PLAGL1: variants seen among roughly 807,000 people sequenced by gnomAD.
PLAGL1 encodes the protein zinc finger protein PLAGL1.
A neutral mutation model predicts 4.6 loss-of-function variants in PLAGL1; 1 was observed. That is an observed-to-expected ratio of 0.22 (90% CI 0.08 to 1.03). The LOEUF (loss-of-function observed/expected upper bound fraction) is 1.03, where lower values mean the gene tolerates loss of function less well. PLAGL1 is among the 50% of genes least tolerant of loss of function. The probability of loss-of-function intolerance (pLI) is 0.58; values close to 1 mark genes in which losing one functional copy is unlikely to be tolerated. For synonymous variants in PLAGL1, 240 were observed against 237.8 expected (o/e 1.01, Z -0.08); for missense variants, 464 against 570.4 (o/e 0.81, Z 1.90).
chr6:144,000,949 T>C lies in PLAGL1; in HGVS notation c.-584+7141A>G, dbSNP rs914686209. On this transcript the variant is annotated intron_variant, in intron 1 of 7. Transcript: ENST00000674357. The surrounding 1 kb of genome is among the most constrained non-coding windows in gnomAD (Gnocchi z 4.1). The stretch of plus-strand genomic sequence containing the variant: ...AAAAAGCATTTGACAAAATTAAAAA[T>C]AGAGTATACGTACATATAACTCCTA... 2.0e-5 allele frequency among the ~76,000 whole-genome samples: 3 copies of C among 152,112 alleles called. No individual in the cohort carries two copies. Among genetic ancestry groups the C allele is most frequent in the Non-Finnish European group, 2.9e-5 (2 of 67,964 alleles).
chr6:143,967,880 G>C (rs1784700752), intron 3 of PLAGL1: 1 of 150,988 alleles, frequency 6.6e-6, no homozygotes, highest in African/African-American at 2.4e-5. Flanking sequence ...GCGGGAAGTG[G>C]TTTATCTAGT....
Position 143,960,403 on chromosome 6 carries a change from A to G in PLAGL1, c.-325+66T>C, listed in dbSNP as rs892553580. The stretch of plus-strand genomic sequence containing the variant: ...CTGAACCTCCAGCATGTTCTTGCCT[A>G]TGATGTGTTTCCAAGCAATCGTTAA... On this transcript the variant is annotated intron_variant, in intron 6 of 7. Coordinates refer to ENST00000674357, the MANE Select transcript of PLAGL1 (RefSeq NM_001317162.2). The surrounding 1 kb of genome is among the most constrained non-coding windows in gnomAD (Gnocchi z 5.7). 6.6e-6 allele frequency: 1 copy of G among 152,230 alleles called. No homozygotes were observed. The highest frequency in any genetic ancestry group is 1.5e-5 in the Non-Finnish European group (1 of 68,030). 9.4% of individuals were successfully genotyped at this position (152,230 alleles called of 1,614,324 possible). A position where few individuals can be genotyped will look rare whatever the true frequency, so the allele number is the denominator to read the frequency against.
rs1254250675 is a variant in PLAGL1 at position 144,056,795 on chromosome 6, G to A, written c.-151+7673C>T. ...TCCTCCCACATTAGCCTCTCAGGTA[G>A]GTGGGATTACAGGTGTGTGCCACCA... On this transcript the variant is annotated intron_variant, in intron 1 of 3. Coordinates refer to the PLAGL1 transcript ENST00000437412. This position sits in a 1 kb window ranked among gnomAD's most constrained non-coding sequence, Gnocchi z 4.7. Among the ~76,000 whole-genome samples the A allele has an allele frequency of 1.3e-5, 2 of 152,100 alleles. No homozygotes were observed. Among genetic ancestry groups the A allele is most frequent in the African/African-American group, 4.8e-5 (2 of 41,412 alleles).
In PLAGL1 at chr6:144,063,613, G is replaced by C. The variant is rs1042443775; in HGVS notation, c.-151+855C>G. ...TGGCCACACAGATGCTCAATGCCAC[G>C]ACCCTTGAATAACTGCCATAGTTGT... On this transcript the variant is annotated intron_variant, in intron 1 of 3. Transcript: ENST00000437412. The surrounding 1 kb of genome is among the most constrained non-coding windows in gnomAD (Gnocchi z 5.7). 2.6e-5 allele frequency among the ~76,000 whole-genome samples: 4 copies of C among 152,186 alleles called. No homozygotes were observed. Among genetic ancestry groups the C allele is most frequent in the Non-Finnish European group, 5.9e-5 (4 of 68,024 alleles).
At position 143,957,301 on chromosome 6, in the gene PLAGL1, G is replaced by C. The variant is rs541243711; in HGVS notation, c.-325+3168C>G. ...AATGAAGACTCTCAGGAGTCTGGTGGGGGGGTGAGGGGTGGAGAGCAACTC... is the reference window on the plus strand; with the variant it reads ...AATGAAGACTCTCAGGAGTCTGGTGCGGGGGTGAGGGGTGGAGAGCAACTC... On this transcript the variant is annotated intron_variant, in intron 6 of 7. Coordinates refer to ENST00000674357, the MANE Select transcript of PLAGL1 (RefSeq NM_001317162.2). The surrounding 1 kb of genome is among the most constrained non-coding windows in gnomAD (Gnocchi z 4.2). Among the ~76,000 whole-genome samples, 7 of 33,854 alleles carry C rather than the reference G, an allele frequency of 2.1e-4. No individual in the cohort carries two copies. The highest frequency in any genetic ancestry group is 7.4e-4 in the South Asian group (1 of 1,360). The allele number at this position is 33,854 out of a possible 152,430, so 22.2% of individuals were successfully genotyped here.
Position 144,004,558 on chromosome 6 carries a change from A to G in PLAGL1, c.-584+3532T>C, listed in dbSNP as rs1326160098. 6.6e-6 allele frequency among the ~76,000 whole-genome samples: 1 copy of G among 152,256 alleles called. No homozygotes were observed. The highest frequency in any genetic ancestry group is 1.5e-5 in the Non-Finnish European group (1 of 68,040). On this transcript the variant is annotated intron_variant, in intron 1 of 7. Coordinates refer to ENST00000674357, the MANE Select transcript of PLAGL1 (RefSeq NM_001317162.2). The surrounding 1 kb of genome is among the most constrained non-coding windows in gnomAD (Gnocchi z 4.2). ...TTGAAAATAATACATGGTCATAGAA[A>G]TCGGGACAGTAGTTGACTGGGGGAA... is the stretch of plus-strand genomic sequence containing the variant.
chr6:144,016,690 G>A lies in PLAGL1; in HGVS notation c.-150-47712C>T, dbSNP rs1353003948. On this transcript the variant is annotated intron_variant, in intron 1 of 3. Coordinates refer to the PLAGL1 transcript ENST00000437412. This position sits in a 1 kb window ranked among gnomAD's most constrained non-coding sequence, Gnocchi z 4.2. ...TGGTTAGTAAGAAGATTGCATTGGG[G>A]CTATGTATTTGTCATACTGCACTGA... Among the ~76,000 whole-genome samples the A allele has an allele frequency of 6.6e-6, 1 of 152,138 alleles. No individual in the cohort carries two copies. Among genetic ancestry groups the A allele is most frequent in the Non-Finnish European group, 1.5e-5 (1 of 68,022 alleles).
rs1481868511 is a variant in PLAGL1, at chr6:143,948,913, T to A, written c.-324-453A>T. Among the ~76,000 whole-genome samples, 1 of 152,226 alleles carries A rather than the reference T, an allele frequency of 6.6e-6. No individual in the cohort carries two copies. Among genetic ancestry groups the A allele is most frequent in the Non-Finnish European group, 1.5e-5 (1 of 68,038 alleles). ...CACTCATTGTTGGCATAACATTAGTTGCTTATCACACCTGTTTAAACTTCC... is the reference window on the plus strand; with the variant it reads ...CACTCATTGTTGGCATAACATTAGTAGCTTATCACACCTGTTTAAACTTCC... On this transcript the variant is annotated intron_variant, in intron 6 of 7. Transcript: ENST00000674357. This position sits in a 1 kb window ranked among gnomAD's most constrained non-coding sequence, Gnocchi z 6.0.
At chr6:143,969,628 A>C (rs1785044664) in intron 2 of PLAGL1, among the ~76,000 whole-genome samples, 1 of 151,964 alleles carries the variant, frequency 6.6e-6, no homozygotes, top group Non-Finnish European at 1.5e-5. Flanking sequence ...CTACCAAAAA[A>C]AAAAAAATTT....
intron 2 of PLAGL1, among the ~76,000 whole-genome samples, chr6:143,981,787 A>G (rs959030909): frequency 6.6e-6 from 1 of 152,140 alleles, no homozygotes; most frequent in Non-Finnish European, 1.5e-5. Context: ...CTTTATATTT[A>G]CAATAAATTG....
In PLAGL1 at chr6:143,941,503, G is replaced by T; in HGVS notation, c.1313C>A (p.Pro438His). The change falls in exon 8 of 8, where the codon CCC (proline) becomes CAC (histidine). Residue 438 changes from proline to histidine, a missense_variant. Coordinates refer to ENST00000674357, the MANE Select transcript of PLAGL1 (RefSeq NM_001317162.2). This position sits in a 1 kb window ranked among gnomAD's most constrained non-coding sequence, Gnocchi z 6.0. ...AMGTVSLGQL[P>H]LPPIPHVFSA... ...GAACACATGAGGGATGGGGGGCAGG[G>T]GGAGCTGGCCCAGGCTCACAGTGCC... The T allele has an allele frequency of 2.6e-6, 4 of 1,530,156 alleles. No individual in the cohort carries two copies. Among genetic ancestry groups the T allele is most frequent in the Non-Finnish European group, 3.5e-6 (4 of 1,139,832 alleles). 94.8% of individuals were successfully genotyped at this position (1,530,156 alleles called of 1,614,324 possible).
chr6:144,049,481 G>T (rs769283394), intron 1 of PLAGL1, among the ~76,000 whole-genome samples: 26 of 152,226 alleles, frequency 1.7e-4, no homozygotes, highest in Admixed American at 7.2e-4. Context: ...GTTCTGCACG[G>T]CTAGGGAGGC....
At position 143,948,189 on chromosome 6, in the gene PLAGL1, C is replaced by G; in HGVS notation, c.-53G>C. 6.5e-7 allele frequency: 1 copy of G among 1,541,638 alleles called. No homozygotes were observed. Among genetic ancestry groups the G allele is most frequent in the South Asian group, 1.1e-5 (1 of 88,170 alleles). On this transcript the variant is annotated 5_prime_UTR_variant, in exon 7 of 8. It removes an upstream start codon present in the reference 5' UTR. Transcript: ENST00000674357. This position sits in a 1 kb window ranked among gnomAD's most constrained non-coding sequence, Gnocchi z 6.0. ...CAGATGTGCTGACCAAATGCTGTGC[C>G]ATTTAAGCACAAACAGAACGATGGT...
chr6:144,017,610 T>C (rs1444824612), intron 1 of PLAGL1, among the ~76,000 whole-genome samples: 2 of 152,250 alleles, frequency 1.3e-5, no homozygotes, highest in Non-Finnish European at 2.9e-5. Flanking sequence ...TAAATGCCTC[T>C]GCTAGTTGCC....
chr6:144,064,280 G>A lies in PLAGL1; in HGVS notation c.-151+188C>T, dbSNP rs1799662864. On this transcript the variant is annotated intron_variant, in intron 1 of 3. Coordinates refer to the PLAGL1 transcript ENST00000437412. The surrounding 1 kb of genome is among the most constrained non-coding windows in gnomAD (Gnocchi z 6.8). ...AAGCACCGACCGCCATCCCCGGCAG[G>A]ACGCAGGCAGGAGCCTCGGCCAGGC... Among the ~76,000 whole-genome samples the A allele has an allele frequency of 6.6e-6, 1 of 152,182 alleles. No individual in the cohort carries two copies. The highest frequency in any genetic ancestry group is 6.5e-5 in the Admixed American group (1 of 15,284).
At chr6:144,019,571 G>A (rs1795821687) in intron 1 of PLAGL1, among the ~76,000 whole-genome samples, 1 of 152,136 alleles carries the variant, frequency 6.6e-6, no homozygotes, top group African/African-American at 2.4e-5. Flanking sequence ...TTTCCTGAGT[G>A]TAATAATAGT....
At chr6:144,035,101 T>C (rs183399244) in intron 1 of PLAGL1, among the ~76,000 whole-genome samples, 166 of 151,814 alleles carry the variant, frequency 1.1e-3, no homozygotes, top group Non-Finnish European at 2.0e-3. Flanking sequence ...TTTCAGGGGG[T>C]TGGGGGTATA....
intron 1 of PLAGL1, among the ~76,000 whole-genome samples, chr6:144,043,598 C>A (rs565460273): frequency 6.6e-6 from 1 of 151,914 alleles, no homozygotes; most frequent in Non-Finnish European, 1.5e-5. Context: ...TGAGGATTTT[C>A]GCATCGATGT....
At position 143,940,938 on chromosome 6, in the gene PLAGL1, C is replaced by G. The variant is rs1332078314; in HGVS notation, c.*486G>C. 1 of 152,728 alleles carries G rather than the reference C, an allele frequency of 6.5e-6. No homozygotes were observed. The highest frequency in any genetic ancestry group is 1.5e-5 in the Non-Finnish European group (1 of 68,112). The allele number at this position is 152,728 out of a possible 1,614,324, so 9.5% of individuals were successfully genotyped here. On this transcript the variant is annotated 3_prime_UTR_variant, in exon 8 of 8. Transcript: ENST00000674357. ...TATGGTAATAGTAACTAAACTACATCCAACCCTGAAGGTAGAAAAATCCCT... is the reference window on the plus strand; with the variant it reads ...TATGGTAATAGTAACTAAACTACATGCAACCCTGAAGGTAGAAAAATCCCT...
Sources: gnomAD v4.1 joint callset for allele counts (sites outside exome capture counted in the v4.1 genomes callset) on GRCh38, gnomAD v4.1.1 for gene constraint, Gnocchi (gnomAD v3.1) non-coding constraint, MANE v1.5 for transcripts, NCBI Gene and HGNC (gene_info 2026-07-23, HGNC 2026-07-21) for gene names.